GRIK2: variants seen among roughly 807,000 people sequenced by gnomAD.
GRIK2 encodes the protein glutamate ionotropic receptor kainate type subunit 2.
GRIK2 carries 32 observed loss-of-function variants against 100.3 expected under a neutral mutation model. The ratio of observed to expected loss-of-function variants is 0.32; its 90% CI spans 0.24 to 0.43. The LOEUF (loss-of-function observed/expected upper bound fraction) is 0.43, where lower values mean the gene tolerates loss of function less well. Ranked by LOEUF, GRIK2 falls within the 20% of genes least tolerant of loss-of-function variation. The pLI, the probability that GRIK2 is intolerant of heterozygous loss-of-function variation, is 1.00. For synonymous variants in GRIK2, 417 were observed against 389.4 expected, an observed-to-expected ratio of 1.07 and a Z score of -0.83; for missense variants, 843 against 1,114.9, an observed-to-expected ratio of 0.76 and a Z score of 3.47.
Position 101,515,846 on chromosome 6 carries a change from T to C in GRIK2, c.116-106103T>C, listed in dbSNP as rs541525741. Among the ~76,000 whole-genome samples the C allele has an allele frequency of 1.2e-3, 187 of 152,238 alleles. 1 individual carries two copies. The highest frequency in any genetic ancestry group is 4.5e-3 in the African/African-American group (185 of 41,560). ...TTATCAGAGGTACAGATTGTGAAGA[T>C]TTTCTCCCACTCTGTGGGTTGTCTG... On this transcript the variant is annotated intron_variant, in intron 2 of 16. Transcript: ENST00000369134.
intron 2 of GRIK2, among the ~76,000 whole-genome samples, chr6:101,514,566 A>G (rs1215402206): frequency 2.0e-5 from 3 of 152,152 alleles, no homozygotes; most frequent in African/African-American, 7.2e-5. Context: ...GCAAAATATC[A>G]TATATTTCCT....
intron 14 of GRIK2, among the ~76,000 whole-genome samples, chr6:101,963,548 T>C (rs1240815076): frequency 2.3e-5 from 3 of 131,354 alleles, no homozygotes; most frequent in African/African-American, 8.7e-5. Flanking sequence ...GAGATGGGGT[T>C]TCACTGTGTT....
intron 2 of GRIK2, among the ~76,000 whole-genome samples, chr6:101,585,464 A>G (rs932392806): frequency 6.6e-6 from 1 of 152,122 alleles, no homozygotes; most frequent in Non-Finnish European, 1.5e-5. Flanking sequence ...TCTTGTAGTA[A>G]TGAGTAATTT....
intron 4 of GRIK2, among the ~76,000 whole-genome samples, chr6:101,673,142 C>T (rs994353177): frequency 7.2e-5 from 11 of 152,070 alleles, no homozygotes; most frequent in African/African-American, 2.7e-4. Flanking sequence ...CCAGAATCTA[C>T]AAGGAACTCA....
intron 15 of GRIK2, among the ~76,000 whole-genome samples, chr6:102,037,766 G>C (rs1057004236): frequency 6.6e-6 from 1 of 151,220 alleles, no homozygotes; most frequent in Non-Finnish European, 1.5e-5. Flanking sequence ...CTGTGTGATG[G>C]GAGTGCTCAA....
intron 12 of GRIK2, among the ~76,000 whole-genome samples, chr6:101,913,557 C>A (rs971480935): frequency 1.3e-5 from 2 of 151,450 alleles, no homozygotes; most frequent in African/African-American, 4.8e-5. Flanking sequence ...AAGGCTTTAA[C>A]ATATGAAAAT....
intron 2 of GRIK2, among the ~76,000 whole-genome samples, chr6:101,583,012 G>A (rs1423103814): frequency 1.3e-5 from 2 of 152,082 alleles, no homozygotes; most frequent in African/African-American, 4.8e-5. Flanking sequence ...CTGGAAAATT[G>A]AACAATGAAA....
chr6:101,523,698 T>C (rs1436330738), intron 2 of GRIK2, among the ~76,000 whole-genome samples: 1 of 149,992 alleles, frequency 6.7e-6, no homozygotes, highest in African/African-American at 2.4e-5. Flanking sequence ...ACTACAAAAA[T>C]AGAACATAAT....
At position 101,763,984 on chromosome 6, in the gene GRIK2, G is replaced by A. The variant is rs77113933; in HGVS notation, c.952-35664G>A. Among the ~76,000 whole-genome samples the A allele has an allele frequency of 8.0e-3, 1,217 of 152,150 alleles. 15 individuals are homozygous for A. Among genetic ancestry groups the A allele is most frequent in the African/African-American group, 0.026 (1,098 of 41,536 alleles). On this transcript the variant is annotated intron_variant, in intron 7 of 16. Coordinates refer to ENST00000369134, the MANE Select transcript of GRIK2 (RefSeq NM_021956.5). ...TGATTTGACAAGAAAAGAGATAAAC[G>A]TTTGTCCTTAAGGAAGGTGATCCCA...
At chr6:101,858,488 G>A (rs1349486804) in intron 10 of GRIK2, among the ~76,000 whole-genome samples, 21 of 146,402 alleles carry the variant, frequency 1.4e-4, no homozygotes, top group African/African-American at 5.1e-4. Context: ...CCGGGTTCAC[G>A]CCATTCTCCT....
chr6:101,585,917 A>T (rs1276701537), intron 2 of GRIK2, among the ~76,000 whole-genome samples: 1 of 152,136 alleles, frequency 6.6e-6, no homozygotes, highest in Non-Finnish European at 1.5e-5. Flanking sequence ...TTCCTCCTGG[A>T]AACAAAAAAT....
chr6:101,889,780 C>T lies in GRIK2; in HGVS notation c.1665C>T (p.Phe555=). 1 of 1,613,490 alleles carries T rather than the reference C, an allele frequency of 6.2e-7. No individual in the cohort carries two copies. The highest frequency in any genetic ancestry group is 1.1e-5 in the South Asian group (1 of 91,058). ...GTACAAACCCAGGCGTCTTCTCCTT[C>T]CTGAATCCTCTCTCCCCTGATATCT... ...PNGTNPGVFS[F]LNPLSPDIWM... The change falls in exon 12 of 17, where the codon TTC becomes TTT. Residue 555 remains phenylalanine, a synonymous_variant. Coordinates refer to ENST00000369134, the MANE Select transcript of GRIK2 (RefSeq NM_021956.5).
chr6:101,595,322 G>A (rs1187695670), intron 2 of GRIK2, among the ~76,000 whole-genome samples: 3 of 151,496 alleles, frequency 2.0e-5, no homozygotes, highest in Non-Finnish European at 4.4e-5. Flanking sequence ...CAGTATTTGG[G>A]GGTATATGGT....
intron 2 of GRIK2, among the ~76,000 whole-genome samples, chr6:101,616,236 T>A (rs1779889000): frequency 6.6e-6 from 1 of 151,882 alleles, no homozygotes; most frequent in Non-Finnish European, 1.5e-5. Context: ...ATCTTCACCT[T>A]TCACTGTCCT....
At chr6:102,047,284 CA>C (rs1770943411) in intron 15 of GRIK2, among the ~76,000 whole-genome samples, 1 of 151,586 alleles carries the variant, frequency 6.6e-6, no homozygotes. Flanking sequence ...AAAAAATAAA[CA>C]AAATAGACAA....
intron 2 of GRIK2, among the ~76,000 whole-genome samples, chr6:101,411,821 G>T (rs1416837841): frequency 2.6e-5 from 4 of 152,168 alleles, no homozygotes; most frequent in South Asian, 4.1e-4. Context: ...ATAGCCCAAA[G>T]GGATCTTAAA....
chr6:101,814,601 CAA>C (rs1781522753), intron 9 of GRIK2, among the ~76,000 whole-genome samples: 1 of 151,952 alleles, frequency 6.6e-6, no homozygotes, highest in Admixed American at 6.6e-5. Context: ...GGAAAGATAA[CAA>C]GTAGAGAAAT....
Position 101,663,480 on chromosome 6 carries a change from G to A in GRIK2, c.542-13143G>A, listed in dbSNP as rs571808474. Among the ~76,000 whole-genome samples the A allele has an allele frequency of 1.3e-4, 20 of 152,280 alleles. 1 individual carries two copies. In the South Asian group the frequency reaches 3.5e-3, roughly 27 times the overall value. ...CCACTGAGGGTGAGTCAGTCACACC[G>A]CCAGGATAGCAGATGATGAAGTATG... is the stretch of plus-strand genomic sequence containing the variant. On this transcript the variant is annotated intron_variant, in intron 4 of 16. Transcript: ENST00000369134.
At chr6:101,633,135 C>T (rs1780842438) in intron 4 of GRIK2, among the ~76,000 whole-genome samples, 1 of 152,092 alleles carries the variant, frequency 6.6e-6, no homozygotes, top group African/African-American at 2.4e-5. Context: ...CTTTGTACTA[C>T]CAAGTCCACC....
Sources: gnomAD v4.1 joint callset for allele counts (sites outside exome capture counted in the v4.1 genomes callset) on GRCh38, gnomAD v4.1.1 for gene constraint, MANE v1.5 for transcripts, NCBI Gene and HGNC (gene_info 2026-07-23, HGNC 2026-07-21) for gene names.